The following CNKSR2 variants were observed in gnomAD, a reference collection of about 807,000 sequenced individuals.
CNKSR2 encodes the protein CNK homolog protein 2.
CNKSR2 carries 14 observed loss-of-function variants against 84.4 expected under a neutral mutation model. The observed-to-expected ratio is 0.17, with a 90% CI of 0.11 to 0.26. The LOEUF is 0.26. CNKSR2 is among the 10% of genes least tolerant of loss of function. CNKSR2 has a pLI of 1.00. For missense variants in CNKSR2, 485 were observed against 771.2 expected (o/e 0.63, Z 4.40); for synonymous variants, 275 against 277.9 (o/e 0.99, Z 0.10).
chrX:21,542,634 C>T (rs1320277575), intron 11 of CNKSR2, among the ~76,000 whole-genome samples: 1 of 111,747 alleles, frequency 8.9e-6, no homozygotes, highest in Admixed American at 9.5e-5. Context: ...TTCCATCTTG[C>T]TGTACATGGA....
At chrX:21,420,075 G>T (rs775879206) in intron 1 of CNKSR2, among the ~76,000 whole-genome samples, 1 of 112,294 alleles carries the variant, frequency 8.9e-6, no homozygotes, top group Non-Finnish European at 1.9e-5. Flanking sequence ...CTGGTGTTCT[G>T]TTGTACTGTG....
rs143078968 is a variant in CNKSR2 at position 21,445,527 on chromosome X, T to C, written c.519+4746T>C. On this transcript the variant is annotated intron_variant, in intron 4 of 21. Transcript: ENST00000379510. Reference sequence around the variant, plus strand: ...TAATTATATTCATTCTACAGTGCTATAGAACACTAGGATTTTTTCCTCCCG... The same window carrying C: ...TAATTATATTCATTCTACAGTGCTACAGAACACTAGGATTTTTTCCTCCCG... Among the ~76,000 whole-genome samples the C allele has an allele frequency of 3.6e-5, 4 of 110,915 alleles. No individual in the cohort carries two copies. The East Asian group carries it at 1.1e-3, about 31-fold the overall frequency.
chrX:21,413,685 A>G (rs1033060947), intron 1 of CNKSR2, among the ~76,000 whole-genome samples: 6 of 111,032 alleles, frequency 5.4e-5, no homozygotes, highest in African/African-American at 2.0e-4. Context: ...AGATCCCACA[A>G]ATAAGTGAGA....
At chrX:21,642,482 C>A in intron 20 of CNKSR2, 1 of 749,868 alleles carries the variant, frequency 1.3e-6, no homozygotes, top group Middle Eastern at 7.6e-4. Flanking sequence ...TAACTGGGTC[C>A]CCTATGGCTC....
intron 11 of CNKSR2, among the ~76,000 whole-genome samples, chrX:21,546,380 A>G (rs1327003292): frequency 1.8e-5 from 2 of 109,376 alleles, no homozygotes; most frequent in Admixed American, 2.0e-4. Context: ...AGACAAAAGA[A>G]TGAAAAAGAA....
intron 5 of CNKSR2, among the ~76,000 whole-genome samples, chrX:21,489,778 A>G (rs1029361827): frequency 2.7e-4 from 30 of 111,585 alleles, no homozygotes; most frequent in African/African-American, 9.8e-4. Flanking sequence ...AATGCTTTGT[A>G]TTTTCTAGGA....
In CNKSR2 at chrX:21,648,857, G is replaced by C. The variant is rs1454877707; in HGVS notation, c.2719G>C (p.Asp907His). The C allele has an allele frequency of 1.8e-6, 2 of 1,100,883 alleles. No homozygotes were observed. Among genetic ancestry groups the C allele is most frequent in the African/African-American group, 4.3e-5 (2 of 46,563 alleles). The allele number at this position is 1,100,883 out of a possible 1,213,427, so 90.7% of individuals were successfully genotyped here. A position where few individuals can be genotyped will look rare whatever the true frequency, so the allele number is the denominator to read the frequency against. ...TGAAAGCAGAGAAGAAAAGTTAGGA[G>C]ACTCATTGCAAGATTTATACAGGGC... ...KSESREEKLG[D>H]SLQDLYRALE... Residue 907 changes from aspartate to histidine, a missense_variant, in exon 21 of 22, where the codon GAC becomes CAC. This residue lies in a region of CNKSR2 where 210 missense variants were observed against 291.5 expected (regional missense o/e 0.72). Transcript: ENST00000379510.
intron 1 of CNKSR2, among the ~76,000 whole-genome samples, chrX:21,391,974 A>C (rs2090057188): frequency 8.9e-6 from 1 of 112,085 alleles, no homozygotes; most frequent in African/African-American, 3.2e-5. Flanking sequence ...TCTGAAGTTC[A>C]AAGTTCCACA....
At chrX:21,651,147 A>G (rs1255927926) in intron 21 of CNKSR2, among the ~76,000 whole-genome samples, 1 of 111,826 alleles carries the variant, frequency 8.9e-6, no homozygotes, top group Non-Finnish European at 1.9e-5. Flanking sequence ...GCTACTGCCA[A>G]TGTTCAGTTC....
intron 1 of CNKSR2, among the ~76,000 whole-genome samples, chrX:21,417,062 T>A (rs1189851265): frequency 1.8e-5 from 2 of 111,765 alleles, no homozygotes; most frequent in African/African-American, 6.5e-5. Flanking sequence ...AACTATAAAT[T>A]TCCCTCTTAG....
At chrX:21,409,472 A>G (rs1361915029) in intron 1 of CNKSR2, among the ~76,000 whole-genome samples, 1 of 107,906 alleles carries the variant, frequency 9.3e-6, no homozygotes, top group Non-Finnish European at 1.9e-5. Flanking sequence ...ATTACAACTG[A>G]CATCTTCCAG....
chrX:21,581,643 G>C (rs751959185), intron 13 of CNKSR2, among the ~76,000 whole-genome samples: 7 of 111,769 alleles, frequency 6.3e-5, no homozygotes, highest in Non-Finnish European at 1.1e-4. Context: ...TAACTGGACA[G>C]GATGCGCTGA....
At chrX:21,590,981 C>T (rs755716501) in intron 14 of CNKSR2, 41 bp from the exon 15 acceptor site, 3 of 1,127,914 alleles carry the variant, frequency 2.7e-6, no homozygotes, top group Non-Finnish European at 3.6e-6. Flanking sequence ...CCTCTACTTT[C>T]ATACCTTTGA....
intron 20 of CNKSR2, among the ~76,000 whole-genome samples, chrX:21,624,389 G>C (rs1268950527): frequency 8.9e-6 from 1 of 112,044 alleles, no homozygotes; most frequent in Non-Finnish European, 1.9e-5. Context: ...ATTGAGTGTA[G>C]TGTTTAAAAT....
At chrX:21,466,427 A>C (rs749782008) in intron 4 of CNKSR2, among the ~76,000 whole-genome samples, 13 of 111,215 alleles carry the variant, frequency 1.2e-4, no homozygotes, top group Non-Finnish European at 2.5e-4. Flanking sequence ...TAATAAATAA[A>C]CCCCCCCAAA....
At chrX:21,503,582 A>G (rs1164150306) in intron 8 of CNKSR2, 4 of 191,387 alleles carry the variant, frequency 2.1e-5, no homozygotes, top group Non-Finnish European at 3.8e-5. Flanking sequence ...ATTTTATTAT[A>G]CTCCCTCCCA....
At position 21,486,824 on chromosome X, in the gene CNKSR2, T is replaced by A. The variant is rs146791975; in HGVS notation, c.562-3635T>A. Among the ~76,000 whole-genome samples the A allele has an allele frequency of 9.5e-3, 1,058 of 111,807 alleles. 12 individuals are homozygous for A. The highest frequency in any genetic ancestry group is 0.031 in the African/African-American group (955 of 30,818). On this transcript the variant is annotated intron_variant, in intron 5 of 21. Coordinates refer to ENST00000379510, the MANE Select transcript of CNKSR2 (RefSeq NM_014927.5). ...ACATGATTTCACTTAATGAATAGCA[T>A]TGACCAAATTCAGGTTTTGTAAGAT...
intron 18 of CNKSR2, among the ~76,000 whole-genome samples, chrX:21,603,736 A>G (rs1429448234): frequency 8.9e-6 from 1 of 112,576 alleles, no homozygotes; most frequent in East Asian, 2.8e-4. Context: ...CAGCTTCAAG[A>G]CAGACATTCA....
intron 1 of CNKSR2, among the ~76,000 whole-genome samples, chrX:21,414,917 T>G: frequency 9.0e-6 from 1 of 111,696 alleles, no homozygotes; most frequent in Admixed American, 9.5e-5. Flanking sequence ...TCTGTGTCTC[T>G]TTTTATGCCA....
Sources: gnomAD v4.1 joint callset for allele counts (sites outside exome capture counted in the v4.1 genomes callset) on GRCh38, gnomAD v4.1.1 for gene constraint, gnomAD v4.1.1 regional missense constraint, MANE v1.5 for transcripts, NCBI Gene and HGNC (gene_info 2026-07-23, HGNC 2026-07-21) for gene names.